Variants in RELL1 observed in about 807,000 individuals in gnomAD.
RELL1 encodes RELT-like protein 1.
Under a neutral mutation model 23.0 loss-of-function variants are expected in RELL1, and 10 were observed. That is an observed-to-expected ratio of 0.43 (90% CI 0.27 to 0.74). The LOEUF is 0.74. RELL1 is among the 30% of genes least tolerant of loss of function. The pLI, the probability that RELL1 is intolerant of heterozygous loss-of-function variation, is 0.19. For synonymous variants in RELL1, 146 were observed against 146.8 expected (o/e 0.99, Z 0.04); for missense variants, 315 against 364.4 (o/e 0.86, Z 1.10).
chr4:37,604,844 C>CACACAT (rs1299329457), intron 6 of RELL1, among the ~76,000 whole-genome samples: 18,168 of 122,716 alleles, frequency 0.15, 2,364 homozygotes, highest in African/African-American at 0.34. Flanking sequence ...CACACAGACA[C>CACACAT]ACACACAGAC....
downstream of RELL1, among the ~76,000 whole-genome samples, chr4:37,589,804 G>T (rs1718505130): frequency 6.6e-6 from 1 of 152,116 alleles, no homozygotes; most frequent in Admixed American, 6.6e-5. Flanking sequence ...GCTAATTTTT[G>T]TATTTTTAGT....
At chr4:37,681,325 A>G (rs1205540683) in intron 1 of RELL1, among the ~76,000 whole-genome samples, 2 of 152,160 alleles carry the variant, frequency 1.3e-5, no homozygotes, top group Non-Finnish European at 2.9e-5. Flanking sequence ...AAAAAATACT[A>G]TATTTTTTAA....
chr4:37,646,739 T>A (rs189324272), intron 3 of RELL1, among the ~76,000 whole-genome samples: 2 of 152,248 alleles, frequency 1.3e-5, no homozygotes, highest in Admixed American at 1.3e-4. Flanking sequence ...TCTTATTATT[T>A]CTTTTTTTGA....
chr4:37,661,508 G>A (rs190789403), intron 1 of RELL1, among the ~76,000 whole-genome samples: 1 of 152,250 alleles, frequency 6.6e-6, no homozygotes, highest in African/African-American at 2.4e-5. Flanking sequence ...TCAAATTCCT[G>A]AGCTCAGGCA....
At chr4:37,668,365 G>A (rs1310308902) in intron 1 of RELL1, among the ~76,000 whole-genome samples, 2 of 152,208 alleles carry the variant, frequency 1.3e-5, no homozygotes, top group African/African-American at 2.4e-5. Context: ...GTAGGCCCGC[G>A]CCGCCACGCC....
intron 3 of RELL1, 56 bp downstream of exon 3, chr4:37,647,312 G>A: frequency 4.7e-6 from 6 of 1,278,632 alleles, no homozygotes; most frequent in South Asian, 2.4e-5. Flanking sequence ...TTCGAAGCAG[G>A]TTTTTAATAA....
chr4:37,604,860 C>CACAG (rs1719132403), intron 6 of RELL1, among the ~76,000 whole-genome samples: 2 of 130,926 alleles, frequency 1.5e-5, no homozygotes, highest in Admixed American at 7.2e-5. Context: ...CAGACACACA[C>CACAG]ACACAGACAC....
At chr4:37,605,793 G>GTGAA (rs1719180005), downstream of RELL1, among the ~76,000 whole-genome samples, 1 of 90,304 alleles carries the variant, frequency 1.1e-5, no homozygotes, top group African/African-American at 3.9e-5. Context: ...GAGAAAGAAA[G>GTGAA]AGAAAGAAAG....
intron 1 of RELL1, 54 bp downstream of exon 1, chr4:37,686,146 C>T: frequency 1.4e-6 from 2 of 1,465,814 alleles, no homozygotes; most frequent in Non-Finnish European, 1.8e-6. Context: ...CTTCCTTCCG[C>T]GCTCCCGGGA....
At chr4:37,665,399 C>A in intron 1 of RELL1, 1 of 436,404 alleles carries the variant, frequency 2.3e-6, no homozygotes, top group Non-Finnish European at 4.6e-6. Context: ...AAAAGAAAGG[C>A]TATAAATAGC....
chr4:37,661,777 T>G (rs1472037314), intron 1 of RELL1, among the ~76,000 whole-genome samples: 5 of 152,214 alleles, frequency 3.3e-5, no homozygotes, highest in Non-Finnish European at 5.9e-5. Context: ...CTCAAGAATA[T>G]GTTGTAGAGA....
At chr4:37,623,795 T>C (rs1719849473) in intron 6 of RELL1, among the ~76,000 whole-genome samples, 1 of 152,186 alleles carries the variant, frequency 6.6e-6, no homozygotes, top group South Asian at 2.1e-4. Flanking sequence ...CATGCCTACT[T>C]TAGGTGCAGT....
chr4:37,625,268 T>C (rs1216401880), intron 6 of RELL1, among the ~76,000 whole-genome samples: 2 of 151,796 alleles, frequency 1.3e-5, no homozygotes, highest in African/African-American at 4.9e-5. Flanking sequence ...GCAATACTAC[T>C]AGAAAAACAC....
downstream of RELL1, among the ~76,000 whole-genome samples, chr4:37,610,010 C>T (rs189466494): frequency 6.6e-6 from 1 of 152,274 alleles, no homozygotes; most frequent in East Asian, 1.9e-4. This position sits in a 1 kb window ranked among gnomAD's most constrained non-coding sequence, Gnocchi z 4.1. Context: ...GAAAGATGTT[C>T]TACTGTGATA....
intron 1 of RELL1, among the ~76,000 whole-genome samples, chr4:37,670,201 T>A (rs1721784039): frequency 6.7e-6 from 1 of 148,620 alleles, no homozygotes; most frequent in Non-Finnish European, 1.5e-5. Context: ...GTCCTGATCA[T>A]AATCGATAGT....
intron 1 of RELL1, among the ~76,000 whole-genome samples, chr4:37,656,857 C>T (rs572248227): frequency 6.6e-6 from 1 of 152,364 alleles, no homozygotes; most frequent in African/African-American, 2.4e-5. Context: ...CCAGATATGG[C>T]TATCCAATCT....
intron 3 of RELL1, among the ~76,000 whole-genome samples, chr4:37,640,136 G>C (rs73807869): frequency 0.013 from 2,000 of 152,234 alleles, 41 homozygotes; most frequent in African/African-American, 0.045. Flanking sequence ...TGCAACCCTT[G>C]AGAACATATG....
At chr4:37,678,734 T>TC (rs1722105100) in intron 1 of RELL1, among the ~76,000 whole-genome samples, 1 of 152,260 alleles carries the variant, frequency 6.6e-6, no homozygotes. Flanking sequence ...TGCCAAGCAC[T>TC]CACTAGTTTT....
chr4:37,623,453 G>A (rs1719837174), intron 6 of RELL1: 1 of 152,934 alleles, frequency 6.5e-6, no homozygotes. Flanking sequence ...TCCCATCCAA[G>A]CCCTCTCACT....
Sources: gnomAD v4.1 joint callset for allele counts (sites outside exome capture counted in the v4.1 genomes callset) on GRCh38, gnomAD v4.1.1 for gene constraint, Gnocchi (gnomAD v3.1) non-coding constraint, MANE v1.5 for transcripts, NCBI Gene and HGNC (gene_info 2026-07-23, HGNC 2026-07-21) for gene names.